SNTG1: variants seen among roughly 807,000 people sequenced by gnomAD.
SNTG1 encodes syntrophin gamma 1.
A neutral mutation model predicts 74.7 loss-of-function variants in SNTG1; 39 were observed. The observed-to-expected ratio is 0.52, with a 90% CI of 0.40 to 0.68. The LOEUF (loss-of-function observed/expected upper bound fraction) is 0.68, where lower values mean the gene tolerates loss of function less well. Ranked by LOEUF, SNTG1 falls within the 30% of genes least tolerant of loss-of-function variation. SNTG1 has a pLI of 0.00. For synonymous variants in SNTG1, 254 were observed against 217.1 expected (o/e 1.17, Z -1.49); for missense variants, 685 against 609.5 (o/e 1.12, Z -1.30).
At chr8:50,142,765 C>G (rs1053346616) in intron 1 of SNTG1, among the ~76,000 whole-genome samples, 1 of 152,002 alleles carries the variant, frequency 6.6e-6, no homozygotes, top group Non-Finnish European at 1.5e-5. Flanking sequence ...TTTGCAAAAG[C>G]AAGACAAATT....
At chr8:50,174,263 G>A (rs1275913285) in intron 2 of SNTG1, among the ~76,000 whole-genome samples, 2 of 152,210 alleles carry the variant, frequency 1.3e-5, no homozygotes, top group African/African-American at 4.8e-5. Context: ...TTGGTTCCAA[G>A]TCTTTGCTAT....
intron 1 of SNTG1, among the ~76,000 whole-genome samples, chr8:49,927,535 T>C (rs945661044): frequency 6.6e-6 from 1 of 152,186 alleles, no homozygotes; most frequent in Admixed American, 6.5e-5. Flanking sequence ...GTTACTTAAA[T>C]ATTATGGTAC....
intron 4 of SNTG1, among the ~76,000 whole-genome samples, chr8:50,414,630 G>C (rs2092991690): frequency 6.6e-6 from 1 of 151,788 alleles, no homozygotes; most frequent in Non-Finnish European, 1.5e-5. Context: ...CTGCACGTTT[G>C]ACATTATTTT....
chr8:50,590,993 T>C lies in SNTG1; in HGVS notation c.849+76T>C, dbSNP rs147510665. On this transcript the variant is annotated intron_variant, in intron 13 of 18. Transcript: ENST00000642720. ...ATTGATTATAGAAGATAACGTTACC[T>C]GATTTCTAGACAGAAATAATTGGTA... The C allele has an allele frequency of 7.8e-6, 8 of 1,030,584 alleles. No homozygotes were observed. In the African/African-American group the frequency reaches 1.0e-4, roughly 13 times the overall value. The allele number at this position is 1,030,584 out of a possible 1,614,324, so 63.8% of individuals were successfully genotyped here. A position where few individuals can be genotyped will look rare whatever the true frequency, so the allele number is the denominator to read the frequency against.
chr8:50,561,967 A>G (rs528425099), intron 12 of SNTG1, among the ~76,000 whole-genome samples: 86 of 152,276 alleles, frequency 5.6e-4, no homozygotes, highest in Non-Finnish European at 5.9e-5. Flanking sequence ...TAGTCCTGTG[A>G]AGATTCTCGC....
chr8:50,097,411 A>C (rs920166323), intron 1 of SNTG1, among the ~76,000 whole-genome samples: 8 of 152,202 alleles, frequency 5.3e-5, no homozygotes, highest in African/African-American at 1.9e-4. Context: ...TGTAGTTTTT[A>C]GAGTAGTGTC....
At chr8:50,792,005 G>A (rs551505240) in intron 18 of SNTG1, among the ~76,000 whole-genome samples, 33 of 151,190 alleles carry the variant, frequency 2.2e-4, no homozygotes, top group Admixed American at 2.0e-3. Flanking sequence ...TAATAAATGG[G>A]TTACAAATTT....
chr8:49,946,755 T>C (rs1043020093), intron 1 of SNTG1, among the ~76,000 whole-genome samples: 12 of 152,272 alleles, frequency 7.9e-5, no homozygotes, highest in African/African-American at 2.9e-4. Context: ...CTTGTTCCTT[T>C]TACCTAGACA....
intron 12 of SNTG1, among the ~76,000 whole-genome samples, chr8:50,565,054 C>T (rs1427253200): frequency 1.3e-5 from 2 of 151,978 alleles, no homozygotes; most frequent in African/African-American, 2.4e-5. Context: ...TGGCCCTTTG[C>T]CTCTGTGATT....
rs555859753 is a variant in SNTG1 at position 50,553,315 on chromosome 8, T to G, written c.810+136T>G. On this transcript the variant is annotated intron_variant, in intron 12 of 18. Coordinates refer to ENST00000642720, the MANE Select transcript of SNTG1 (RefSeq NM_018967.5). ...ATTCATGAAAGCTATTCTGGAATAC[T>G]TATTGTAAGAAAACTGAGAGTTCTG... The G allele has an allele frequency of 2.0e-5, 24 of 1,170,936 alleles. No homozygotes were observed. In the Admixed American group the frequency reaches 3.6e-4, roughly 18 times the overall value. The allele number at this position is 1,170,936 out of a possible 1,614,324, so 72.5% of individuals were successfully genotyped here.
intron 13 of SNTG1, among the ~76,000 whole-genome samples, chr8:50,636,051 T>G (rs2131143036): frequency 6.6e-6 from 1 of 151,932 alleles, no homozygotes; most frequent in African/African-American, 2.4e-5. Flanking sequence ...GCAGGTTCTC[T>G]TTTGGCCCAG....
At chr8:50,052,038 G>A (rs916203363) in intron 1 of SNTG1, among the ~76,000 whole-genome samples, 9 of 151,906 alleles carry the variant, frequency 5.9e-5, no homozygotes, top group Non-Finnish European at 1.3e-4. Flanking sequence ...CAGCTTTTTT[G>A]CAGAAATTGA....
intron 2 of SNTG1, among the ~76,000 whole-genome samples, chr8:50,332,560 G>A (rs956140551): frequency 1.3e-5 from 2 of 152,020 alleles, no homozygotes; most frequent in African/African-American, 4.8e-5. Flanking sequence ...TATAATGTTT[G>A]ACAACATCTG....
intron 18 of SNTG1, among the ~76,000 whole-genome samples, chr8:50,764,339 A>G (rs73678693): frequency 0.02 from 3,022 of 152,066 alleles, 96 homozygotes; most frequent in African/African-American, 0.065. Flanking sequence ...GGCGACCTAT[A>G]TCATGGGAGA....
chr8:50,106,098 A>G (rs761637645), intron 1 of SNTG1, among the ~76,000 whole-genome samples: 33 of 152,088 alleles, frequency 2.2e-4, no homozygotes, highest in Non-Finnish European at 4.1e-4. Flanking sequence ...ATAAATAACT[A>G]CCTGGGACTG....
At chr8:50,589,279 T>A (rs968554028) in intron 12 of SNTG1, among the ~76,000 whole-genome samples, 12 of 152,090 alleles carry the variant, frequency 7.9e-5, no homozygotes, top group African/African-American at 2.9e-4. Context: ...AAACAAAAAA[T>A]TATAATATAA....
chr8:50,201,486 A>G (rs1297147381), intron 2 of SNTG1, among the ~76,000 whole-genome samples: 1 of 152,176 alleles, frequency 6.6e-6, no homozygotes, highest in Admixed American at 6.5e-5. Flanking sequence ...ATTATTAACT[A>G]AAGTCCATGG....
intron 2 of SNTG1, among the ~76,000 whole-genome samples, chr8:50,217,494 TTC>T (rs2084850082): frequency 6.6e-6 from 1 of 152,126 alleles, no homozygotes; most frequent in African/African-American, 2.4e-5. Flanking sequence ...TCATGTAATG[TTC>T]TTACCTTAAG....
intron 1 of SNTG1, among the ~76,000 whole-genome samples, chr8:49,993,774 T>C (rs758394154): frequency 6.6e-6 from 1 of 152,224 alleles, no homozygotes; most frequent in Non-Finnish European, 1.5e-5. Flanking sequence ...TCCATGTGTA[T>C]ATGTGCCACA....
Sources: gnomAD v4.1 joint callset for allele counts (sites outside exome capture counted in the v4.1 genomes callset) on GRCh38, gnomAD v4.1.1 for gene constraint, MANE v1.5 for transcripts, NCBI Gene and HGNC (gene_info 2026-07-23, HGNC 2026-07-21) for gene names.